Variants in PHF24 observed in about 807,000 individuals in gnomAD.
PHF24 encodes the protein PHD finger protein 24.
In PHF24, 25 loss-of-function variants were observed where a neutral mutation model predicts 42.6. The ratio of observed to expected loss-of-function variants is 0.59; its 90% CI spans 0.43 to 0.82. PHF24 has a LOEUF of 0.82. PHF24 is among the 40% of genes least tolerant of loss of function. The pLI is 0.00. For synonymous variants in PHF24, 185 were observed against 204.8 expected, an observed-to-expected ratio of 0.90 and a Z score of 0.83; for missense variants, 470 against 538.1, an observed-to-expected ratio of 0.87 and a Z score of 1.25.
chr9:34,682,036 A>G, the PHF24 span, among the ~76,000 whole-genome samples: 1 of 8,556 alleles, frequency 1.2e-4, no homozygotes, highest in Non-Finnish European at 4.0e-4. Context: ...GTGCAGTGTC[A>G]TGGTCACGGC....
chr9:34,741,914 G>A, the PHF24 span, among the ~76,000 whole-genome samples: 1 of 152,118 alleles, frequency 6.6e-6, no homozygotes, highest in African/African-American at 2.4e-5. Context: ...GGTGGGGAGA[G>A]AACAGGAAGT....
the PHF24 span, among the ~76,000 whole-genome samples, chr9:34,911,992 A>G: frequency 3.9e-5 from 6 of 152,216 alleles, no homozygotes; most frequent in Non-Finnish European, 7.3e-5. Context: ...AAAACTGAGA[A>G]AATCCCATTT....
the PHF24 span, among the ~76,000 whole-genome samples, chr9:34,868,802 C>T: frequency 2.6e-5 from 4 of 151,886 alleles, no homozygotes; most frequent in Non-Finnish European, 5.9e-5. Flanking sequence ...TGTGCAGGTT[C>T]GTTACATAGG....
the PHF24 span, among the ~76,000 whole-genome samples, chr9:34,931,106 G>A: frequency 4.1e-4 from 62 of 152,114 alleles, no homozygotes; most frequent in African/African-American, 1.3e-3. Context: ...GGCCGAGCGC[G>A]GTGGCTCACG....
chr9:34,849,127 C>T, the PHF24 span, among the ~76,000 whole-genome samples: 1 of 152,136 alleles, frequency 6.6e-6, no homozygotes. Flanking sequence ...CCGCTTGGTG[C>T]AGAGCTGAGT....
the PHF24 span, among the ~76,000 whole-genome samples, chr9:34,788,430 A>G: frequency 6.6e-6 from 1 of 152,168 alleles, no homozygotes; most frequent in Non-Finnish European, 1.5e-5. Context: ...AGACCTTTCA[A>G]AATAGAACTC....
At chr9:34,955,712 C>G (rs558637919), upstream of PHF24, among the ~76,000 whole-genome samples, 53 of 152,278 alleles carry the variant, frequency 3.5e-4, no homozygotes, top group East Asian at 6.2e-3. Context: ...CTCTAGCAAC[C>G]CTTTCACCTT....
At chr9:34,905,670 A>G in the PHF24 span, among the ~76,000 whole-genome samples, 1 of 152,192 alleles carries the variant, frequency 6.6e-6, no homozygotes, top group Non-Finnish European at 1.5e-5. Flanking sequence ...GAGGATTTTA[A>G]TATGTGGAGT....
chr9:34,915,021 C>CTTTTTT, the PHF24 span, among the ~76,000 whole-genome samples: 1 of 82,058 alleles, frequency 1.2e-5, no homozygotes, highest in African/African-American at 4.8e-5. Context: ...TTTCTTTTTT[C>CTTTTTT]TTTTCTTTTT....
the PHF24 span, among the ~76,000 whole-genome samples, chr9:34,712,136 C>T: frequency 1.3e-5 from 2 of 151,994 alleles, no homozygotes; most frequent in South Asian, 2.1e-4. Flanking sequence ...AATATATCCC[C>T]CATTGTCTTT....
chr9:34,696,251 G>T, the PHF24 span, among the ~76,000 whole-genome samples: 2 of 152,210 alleles, frequency 1.3e-5, no homozygotes, highest in African/African-American at 4.8e-5. Context: ...ATTTTGGGAG[G>T]CTGTGGGGGG....
chr9:34,683,258 G>A, the PHF24 span, among the ~76,000 whole-genome samples: 1 of 152,138 alleles, frequency 6.6e-6, no homozygotes, highest in African/African-American at 2.4e-5. Context: ...AAAGGGTTTT[G>A]CCATGTTGGC....
chr9:34,707,144 C>T, the PHF24 span, among the ~76,000 whole-genome samples: 1 of 152,174 alleles, frequency 6.6e-6, no homozygotes, highest in Admixed American at 6.5e-5. Context: ...GGGCAAGTGA[C>T]AGGACTGTTG....
intron 7 of PHF24, 98 bp from the exon 8 acceptor site, chr9:34,977,917 G>T: frequency 3.2e-6 from 3 of 947,498 alleles, no homozygotes; most frequent in Non-Finnish European, 5.1e-6. Context: ...GGGCTCACGC[G>T]TCTTCAAACC....
chr9:34,967,256 G>A (rs940335778), intron 1 of PHF24, among the ~76,000 whole-genome samples: 51 of 152,074 alleles, frequency 3.4e-4, no homozygotes, highest in African/African-American at 1.2e-3. Context: ...TTAGAGGTGC[G>A]TTCTTCAAAT....
the PHF24 span, chr9:34,690,411 G>A: frequency 8.0e-5 from 110 of 1,375,116 alleles, no homozygotes; most frequent in Middle Eastern, 2.3e-4. Context: ...GCCCTAGCTC[G>A]GATTGAGGAC....
chr9:34,722,299 A>C, the PHF24 span, among the ~76,000 whole-genome samples: 1 of 152,184 alleles, frequency 6.6e-6, no homozygotes, highest in African/African-American at 2.4e-5. Flanking sequence ...GTTAGGAAAA[A>C]AATCAAGGAT....
the PHF24 span, among the ~76,000 whole-genome samples, chr9:34,863,862 A>C: frequency 6.6e-6 from 1 of 152,266 alleles, no homozygotes; most frequent in South Asian, 2.1e-4. Context: ...AGAGAATTCA[A>C]AATAGCTGTT....
At chr9:34,847,745 G>C in the PHF24 span, among the ~76,000 whole-genome samples, 1 of 151,994 alleles carries the variant, frequency 6.6e-6, no homozygotes, top group Non-Finnish European at 1.5e-5. Context: ...GTTTGTCATA[G>C]ATAGCTCTTA....
Sources: gnomAD v4.1 joint callset for allele counts (sites outside exome capture counted in the v4.1 genomes callset) on GRCh38, gnomAD v4.1.1 for gene constraint, MANE v1.5 for transcripts, NCBI Gene and HGNC (gene_info 2026-07-23, HGNC 2026-07-21) for gene names.